The following IQSEC1 variants were observed in gnomAD, a reference collection of about 807,000 sequenced individuals.
The protein encoded by IQSEC1 is IQ motif and Sec7 domain ArfGEF 1.
In IQSEC1, 31 loss-of-function variants were observed where a neutral mutation model predicts 91.0. The observed-to-expected ratio is 0.34, with a 90% CI of 0.26 to 0.46. The LOEUF (loss-of-function observed/expected upper bound fraction) is 0.46, where lower values mean the gene tolerates loss of function less well. Ranked by LOEUF, IQSEC1 falls within the 20% of genes least tolerant of loss-of-function variation. The pLI, the probability that IQSEC1 is intolerant of heterozygous loss-of-function variation, is 1.00. For synonymous variants in IQSEC1, 699 were observed against 662.6 expected, an observed-to-expected ratio of 1.05 and a Z score of -0.84; for missense variants, 1,388 against 1,575.6, an observed-to-expected ratio of 0.88 and a Z score of 2.02.
At chr3:13,078,122 G>C (rs758386310), upstream of IQSEC1, among the ~76,000 whole-genome samples, 1 of 152,194 alleles carries the variant, frequency 6.6e-6, no homozygotes, top group Non-Finnish European at 1.5e-5. Flanking sequence ...TGGAGGAAGG[G>C]GGCGTGGGAG....
rs148928385 is a variant in IQSEC1, at chr3:13,065,468, C to A, written c.23+7524G>T. The stretch of plus-strand genomic sequence containing the variant: ...GAAAAACAACAAAGACGTAACCATC[C>A]CTTTTGTAAGCTAAACTTCATCACT... On this transcript the variant is annotated intron_variant, in intron 1 of 13. Coordinates refer to ENST00000613206, the MANE Select transcript of IQSEC1 (RefSeq NM_001134382.3). Among the ~76,000 whole-genome samples the A allele has an allele frequency of 8.8e-4, 134 of 152,256 alleles. 2 individuals are homozygous for A. The highest frequency in any genetic ancestry group is 2.9e-3 in the African/African-American group (121 of 41,530).
intron 1 of IQSEC1, among the ~76,000 whole-genome samples, chr3:12,982,470 AG>A (rs1309809673): frequency 6.6e-6 from 1 of 152,246 alleles, no homozygotes; most frequent in Non-Finnish European, 1.5e-5. Flanking sequence ...GATGGTGATA[AG>A]GCAAACAACA....
At chr3:13,202,898 C>T (rs74373702) in intron 1 of IQSEC1, among the ~76,000 whole-genome samples, 1,819 of 152,240 alleles carry the variant, frequency 0.012, 28 homozygotes, top group African/African-American at 0.041. Context: ...GTGTGCCGGG[C>T]GCCATTCTGA....
At chr3:13,082,778 C>T (rs1017421348) in intron 2 of IQSEC1, among the ~76,000 whole-genome samples, 2 of 152,230 alleles carry the variant, frequency 1.3e-5, no homozygotes, top group African/African-American at 2.4e-5. Context: ...TGTGCGGACG[C>T]CTCCCCCTGC....
At chr3:12,971,041 A>C (rs1280632617) in intron 1 of IQSEC1, among the ~76,000 whole-genome samples, 16 of 152,264 alleles carry the variant, frequency 1.1e-4, no homozygotes, top group Admixed American at 1.0e-3. Flanking sequence ...AGCCACGCTC[A>C]TCCACTTATG....
Position 13,136,473 on chromosome 3 carries a change from C to A in IQSEC1, c.302+27631G>T, listed in dbSNP as rs112617466. On this transcript the variant is annotated intron_variant, in intron 2 of 15. Coordinates refer to the IQSEC1 transcript ENST00000648114. ...GAAATGAGCATTCCTATTTACCAGACACGAGGAAGAATGTAAAAGACAAAC... is the reference window on the plus strand; with the variant it reads ...GAAATGAGCATTCCTATTTACCAGAAACGAGGAAGAATGTAAAAGACAAAC... Among the ~76,000 whole-genome samples the A allele has an allele frequency of 3.6e-3, 542 of 152,250 alleles. 9 individuals carry two copies. Among genetic ancestry groups the A allele is most frequent in the African/African-American group, 0.012 (511 of 41,544 alleles).
intron 1 of IQSEC1, among the ~76,000 whole-genome samples, chr3:13,064,200 C>A (rs979411069): frequency 6.6e-6 from 1 of 152,122 alleles, no homozygotes; most frequent in African/African-American, 2.4e-5. Context: ...ACTAAACACA[C>A]GCATGCACAC....
chr3:13,092,195 A>G (rs901748026), intron 2 of IQSEC1, among the ~76,000 whole-genome samples: 1 of 152,216 alleles, frequency 6.6e-6, no homozygotes, highest in Non-Finnish European at 1.5e-5. Context: ...CATACCAGGC[A>G]GGAGAAGAAG....
At chr3:12,923,797 C>T (rs1696855773) in intron 4 of IQSEC1, among the ~76,000 whole-genome samples, 1 of 152,258 alleles carries the variant, frequency 6.6e-6, no homozygotes, top group South Asian at 2.1e-4. Context: ...CGTTGGTCCC[C>T]TCGGCTGCAC....
rs1374880040 is a variant in IQSEC1 at position 12,897,120 on chromosome 3, T to TGC, written c.*3861_*3862dup. On this transcript the variant is annotated 3_prime_UTR_variant, in exon 14 of 14. Coordinates refer to ENST00000613206, the MANE Select transcript of IQSEC1 (RefSeq NM_001134382.3). ...GTCCAATGTCTTCAAGGAAAGTGAG[T>TGC]GCCCAGAGTCACAACAAGTAATGGG... is the stretch of plus-strand genomic sequence containing the variant. 1 of 152,184 alleles carries TGC rather than the reference T, an allele frequency of 6.6e-6. No individual in the cohort carries two copies. Among genetic ancestry groups the TGC allele is most frequent in the Non-Finnish European group, 1.5e-5 (1 of 68,024 alleles). The allele number at this position is 152,184 out of a possible 1,614,324, so 9.4% of individuals were successfully genotyped here.
chr3:13,136,926 C>T (rs550931904), intron 2 of IQSEC1, among the ~76,000 whole-genome samples: 3 of 152,256 alleles, frequency 2.0e-5, no homozygotes, highest in African/African-American at 7.2e-5. Flanking sequence ...CACTTGGTGC[C>T]AGGAGTTCAA....
chr3:13,250,418 TC>T (rs201901148), intron 1 of IQSEC1, among the ~76,000 whole-genome samples: 129 of 144,792 alleles, frequency 8.9e-4, no homozygotes, highest in African/African-American at 3.3e-3. Flanking sequence ...AGCCCCACTT[TC>T]CTTTTTTTTT....
At chr3:13,179,030 C>T (rs902104155) in intron 1 of IQSEC1, among the ~76,000 whole-genome samples, 3 of 152,192 alleles carry the variant, frequency 2.0e-5, no homozygotes, top group African/African-American at 7.2e-5. Context: ...CTTGCCCCTC[C>T]CTAGTTCCTG....
intron 1 of IQSEC1, among the ~76,000 whole-genome samples, chr3:13,168,138 A>G (rs900779755): frequency 1.3e-5 from 2 of 152,222 alleles, no homozygotes; most frequent in African/African-American, 4.8e-5. Flanking sequence ...CTCTGAGTCA[A>G]AATACATGGA....
chr3:13,019,398 G>A (rs575682128), intron 1 of IQSEC1, among the ~76,000 whole-genome samples: 8 of 152,352 alleles, frequency 5.3e-5, no homozygotes, highest in African/African-American at 1.4e-4. Flanking sequence ...AGGCTCACTC[G>A]GAGGGGAATC....
intron 2 of IQSEC1, among the ~76,000 whole-genome samples, chr3:13,120,378 C>T (rs369201118): frequency 6.6e-6 from 1 of 152,208 alleles, no homozygotes; most frequent in Non-Finnish European, 1.5e-5. Context: ...CCTCTGCTCT[C>T]TCCCAGAAGG....
chr3:13,094,175 A>G (rs1283948248), intron 2 of IQSEC1, among the ~76,000 whole-genome samples: 1 of 152,158 alleles, frequency 6.6e-6, no homozygotes, highest in Non-Finnish European at 1.5e-5. Context: ...AGCAGGTGGC[A>G]CCTCGTATCA....
intron 1 of IQSEC1, among the ~76,000 whole-genome samples, chr3:12,947,238 C>A (rs150366229): frequency 6.6e-6 from 1 of 152,214 alleles, no homozygotes; most frequent in Non-Finnish European, 1.5e-5. Flanking sequence ...TGATGAAGTA[C>A]ACTCTCATGT....
intron 1 of IQSEC1, among the ~76,000 whole-genome samples, chr3:12,980,449 A>G (rs1701396062): frequency 6.6e-6 from 1 of 152,218 alleles, no homozygotes; most frequent in Non-Finnish European, 1.5e-5. Flanking sequence ...ATCCACAGAC[A>G]ATTGTTTCTC....
Sources: allele counts gnomAD v4.1 joint callset (sites outside exome capture counted in the v4.1 genomes callset), GRCh38; gene constraint gnomAD v4.1.1; transcripts MANE v1.5; gene names NCBI Gene and HGNC (gene_info 2026-07-23, HGNC 2026-07-21).